PCA3: variants seen among roughly 807,000 people sequenced by gnomAD.
PCA3 encodes Differential Display code 3.
rs183199612 is a variant in PCA3 at position 76,765,375 on chromosome 9, T to C, written n.852+28760T>C. On this transcript the variant is annotated intron_variant and non_coding_transcript_variant, in intron 2 of 5. Transcript: ENST00000644657. Reference sequence around the variant, plus strand: ...ATGAAGAAAGATAAGAATAGGTAAATAGTCCTTATATTTGATAACAGAGGT... The same window carrying C: ...ATGAAGAAAGATAAGAATAGGTAAACAGTCCTTATATTTGATAACAGAGGT... Among the ~76,000 whole-genome samples, 4 of 152,246 alleles carry C rather than the reference T, an allele frequency of 2.6e-5. No homozygotes were observed. In the East Asian group the frequency reaches 7.7e-4, roughly 29 times the overall value.
At chr9:76,766,317 A>G (rs986997319) in intron 2 of PCA3, among the ~76,000 whole-genome samples, 2 of 152,154 alleles carry the variant, frequency 1.3e-5, no homozygotes, top group African/African-American at 2.4e-5. Flanking sequence ...GGCAAAGCCT[A>G]TCTGTGTGGG....
chr9:76,778,510 G>A (rs565293779), intron 2 of PCA3: 1 of 152,340 alleles, frequency 6.6e-6, no homozygotes, highest in East Asian at 1.9e-4. Flanking sequence ...AGATCAGTTG[G>A]AGCAAGCTCA....
At chr9:76,769,382 T>C (rs562475680) in intron 2 of PCA3, among the ~76,000 whole-genome samples, 2 of 152,354 alleles carry the variant, frequency 1.3e-5, no homozygotes, top group Admixed American at 6.5e-5. Flanking sequence ...ATTGATTCAA[T>C]CCTTCCTCTA....
At chr9:76,782,165 G>T (rs2054484640) in intron 2 of PCA3, among the ~76,000 whole-genome samples, 1 of 152,116 alleles carries the variant, frequency 6.6e-6, no homozygotes, top group South Asian at 2.1e-4. Context: ...AGTGAGCCAA[G>T]ATGGTGCCAC....
intron 2 of PCA3, among the ~76,000 whole-genome samples, chr9:76,775,607 G>T (rs1397162671): frequency 6.6e-6 from 1 of 152,052 alleles, no homozygotes; most frequent in East Asian, 1.9e-4. Flanking sequence ...AGCCTATTTT[G>T]TCATTTTAAA....
At chr9:76,776,013 G>T (rs1442529735) in intron 2 of PCA3, among the ~76,000 whole-genome samples, 1 of 152,168 alleles carries the variant, frequency 6.6e-6, no homozygotes, top group Non-Finnish European at 1.5e-5. Context: ...GAATAAGAAA[G>T]AACACTGATA....
intron 2 of PCA3, among the ~76,000 whole-genome samples, chr9:76,768,112 G>T (rs1440292286): frequency 6.6e-6 from 1 of 152,134 alleles, no homozygotes; most frequent in African/African-American, 2.4e-5. Flanking sequence ...GCTGCCTGGT[G>T]AGGAGGATCA....
rs1343149667 is a variant in PCA3, at chr9:76,773,413, TCA to T, written n.853-35167_853-35166del. On this transcript the variant is annotated intron_variant and non_coding_transcript_variant, in intron 2 of 5. Coordinates refer to ENST00000644657, the Ensembl canonical transcript of PCA3. The stretch of plus-strand genomic sequence containing the variant: ...TTCCTGTAATACATTCATCCCGCAG[TCA>T]CATCACATACACACTAGTACATCTT... 3.3e-5 allele frequency among the ~76,000 whole-genome samples: 5 copies of T among 151,092 alleles called. No individual in the cohort carries two copies. In the East Asian group the frequency reaches 9.8e-4, roughly 30 times the overall value.
chr9:76,769,512 GC>G (rs1564259905), intron 2 of PCA3, among the ~76,000 whole-genome samples: 9 of 151,816 alleles, frequency 5.9e-5, no homozygotes, highest in African/African-American at 2.2e-4. Flanking sequence ...CGCAACCTCC[GC>G]CCCCCGGGTT....
At chr9:76,771,528 G>T (rs2130946379) in intron 2 of PCA3, among the ~76,000 whole-genome samples, 1 of 152,316 alleles carries the variant, frequency 6.6e-6, no homozygotes, top group East Asian at 1.9e-4. Flanking sequence ...AGACTACGGT[G>T]AGTCGGGGGT....
chr9:76,768,297 ATT>A (rs1234475753), intron 2 of PCA3, among the ~76,000 whole-genome samples: 1 of 152,066 alleles, frequency 6.6e-6, no homozygotes, highest in Non-Finnish European at 1.5e-5. Flanking sequence ...GGTTCAAACA[ATT>A]CTCCTACCTC....
chr9:76,766,041 C>T (rs954251524), intron 2 of PCA3, among the ~76,000 whole-genome samples: 8 of 151,690 alleles, frequency 5.3e-5, no homozygotes, highest in African/African-American at 1.2e-4. Flanking sequence ...AAAATAGCCG[C>T]GCGTGGTGGC....
intron 2 of PCA3, among the ~76,000 whole-genome samples, chr9:76,766,550 C>T (rs932678639): frequency 1.3e-5 from 2 of 152,188 alleles, no homozygotes; most frequent in Non-Finnish European, 2.9e-5. Flanking sequence ...GGATCATGTT[C>T]ATGGATAGTG....
At chr9:76,774,942 G>C (rs933898220) in intron 2 of PCA3, among the ~76,000 whole-genome samples, 1 of 152,142 alleles carries the variant, frequency 6.6e-6, no homozygotes, top group African/African-American at 2.4e-5. Context: ...CCTCATCTAT[G>C]TAATGGGAAC....
chr9:76,785,763 A>C (rs1024917619), intron 2 of PCA3: 1 of 151,846 alleles, frequency 6.6e-6, no homozygotes, highest in Non-Finnish European at 1.5e-5. Context: ...GTGAGTGTAC[A>C]TGCCAAAGTG....
At chr9:76,767,995 G>C (rs1048248395) in intron 2 of PCA3, among the ~76,000 whole-genome samples, 28 of 152,054 alleles carry the variant, frequency 1.8e-4, no homozygotes, top group African/African-American at 6.8e-4. Flanking sequence ...TTCTTTCTTC[G>C]ATGATTTGGA....
chr9:76,781,148 T>C (rs914918543), intron 2 of PCA3, among the ~76,000 whole-genome samples: 2 of 152,136 alleles, frequency 1.3e-5, no homozygotes, highest in Non-Finnish European at 2.9e-5. Flanking sequence ...TGGTCACCTC[T>C]CCCATGGTCT....
chr9:76,767,139 T>C (rs144956384), intron 2 of PCA3, among the ~76,000 whole-genome samples: 1 of 152,268 alleles, frequency 6.6e-6, no homozygotes, highest in African/African-American at 2.4e-5. Flanking sequence ...TTGTTGGCAG[T>C]CACCAAGGAC....
chr9:76,765,696 A>T (rs955716841), intron 2 of PCA3, among the ~76,000 whole-genome samples: 6 of 152,208 alleles, frequency 3.9e-5, no homozygotes, highest in Non-Finnish European at 8.8e-5. Flanking sequence ...AGCCTTATCT[A>T]GTGAGAAGAC....
Sources: gnomAD v4.1 joint callset for allele counts (sites outside exome capture counted in the v4.1 genomes callset) on GRCh38, gnomAD v4.1.1 for gene constraint, MANE v1.5 for transcripts, NCBI Gene and HGNC (gene_info 2026-07-23, HGNC 2026-07-21) for gene names.